Variants in TRPS1 observed in about 807,000 individuals in gnomAD.
The protein encoded by TRPS1 is zinc finger transcription factor Trps1.
TRPS1 carries 6 observed loss-of-function variants against 101.2 expected under a neutral mutation model. That is an observed-to-expected ratio of 0.06 (90% CI 0.03 to 0.12). The LOEUF (loss-of-function observed/expected upper bound fraction) is 0.12. Among genes scored for constraint, TRPS1 ranks in the 10% least tolerant of loss-of-function variants. TRPS1 has a pLI of 1.00. For missense variants in TRPS1, 1,363 were observed against 1,567.0 expected, an observed-to-expected ratio of 0.87 and a Z score of 2.20; for synonymous variants, 578 against 589.8, an observed-to-expected ratio of 0.98 and a Z score of 0.29.
At chr8:115,495,551 T>C (rs1293427684) in intron 5 of TRPS1, among the ~76,000 whole-genome samples, 3 of 151,346 alleles carry the variant, frequency 2.0e-5, no homozygotes. Context: ...TTCCTATTCC[T>C]ATTCCTAAAG....
At chr8:115,569,569 T>C (rs1006731553) in intron 5 of TRPS1, among the ~76,000 whole-genome samples, 5 of 152,168 alleles carry the variant, frequency 3.3e-5, no homozygotes, top group Admixed American at 1.3e-4. Flanking sequence ...GGTTTGTCTC[T>C]AGTTAAGTCA....
At chr8:115,541,210 C>T (rs1816444482) in intron 5 of TRPS1, among the ~76,000 whole-genome samples, 1 of 152,136 alleles carries the variant, frequency 6.6e-6, no homozygotes, top group Non-Finnish European at 1.5e-5. Flanking sequence ...ATGCTGTGGA[C>T]ATCAGATGGT....
intron 5 of TRPS1, among the ~76,000 whole-genome samples, chr8:115,552,417 C>A (rs1816726551): frequency 6.6e-6 from 1 of 152,096 alleles, no homozygotes; most frequent in Non-Finnish European, 1.5e-5. Context: ...GTTGTTTACT[C>A]CTACCACTTT....
chr8:115,454,231 T>G (rs1453603347), intron 5 of TRPS1, among the ~76,000 whole-genome samples: 1 of 152,198 alleles, frequency 6.6e-6, no homozygotes, highest in Admixed American at 6.5e-5. Context: ...TTCAATACCG[T>G]ATTTTGAGTA....
At chr8:115,440,626 G>A (rs937154345) in intron 5 of TRPS1, among the ~76,000 whole-genome samples, 3 of 152,120 alleles carry the variant, frequency 2.0e-5, no homozygotes, top group African/African-American at 7.2e-5. Context: ...GTGTTTCCTT[G>A]CCAAGGTTTC....
intron 3 of TRPS1, among the ~76,000 whole-genome samples, 180 bp downstream of exon 3, chr8:115,618,952 T>C (rs1038668855): frequency 6.6e-6 from 1 of 152,212 alleles, no homozygotes; most frequent in Non-Finnish European, 1.5e-5. Flanking sequence ...GGCTAAAAGT[T>C]GTCTTTAGAC....
chr8:115,483,301 G>A (rs1273076796), intron 5 of TRPS1, among the ~76,000 whole-genome samples: 1 of 152,024 alleles, frequency 6.6e-6, no homozygotes, highest in African/African-American at 2.4e-5. Flanking sequence ...GGGAGGTTGG[G>A]CAGGTGGATC....
At chr8:115,483,269 A>T (rs1207404771) in intron 5 of TRPS1, among the ~76,000 whole-genome samples, 2 of 152,098 alleles carry the variant, frequency 1.3e-5, no homozygotes, top group African/African-American at 4.8e-5. Context: ...ACGGTGTCTC[A>T]TGCTTATAAT....
chr8:115,561,716 T>C (rs914075667), intron 5 of TRPS1, among the ~76,000 whole-genome samples: 1 of 151,984 alleles, frequency 6.6e-6, no homozygotes, highest in South Asian at 2.1e-4. Flanking sequence ...GCTCCAGTCA[T>C]GCACAGCTAC....
chr8:115,413,787 G>A lies in TRPS1; in HGVS notation c.*236C>T. 1.9e-6 allele frequency: 1 copy of A among 523,204 alleles called. No homozygotes were observed. Among genetic ancestry groups the A allele is most frequent in the Non-Finnish European group, 3.4e-6 (1 of 296,730 alleles). The allele number at this position is 523,204 out of a possible 1,614,324, so 32.4% of individuals were successfully genotyped here. A position where few individuals can be genotyped will look rare whatever the true frequency, so the allele number is the denominator to read the frequency against. ...TAGCCAAGATGGTTTTGACTTAACAGGTTTTAAAAAGTGATTGTTTACCAT... is the reference window on the plus strand; with the variant it reads ...TAGCCAAGATGGTTTTGACTTAACAAGTTTTAAAAAGTGATTGTTTACCAT... On this transcript the variant is annotated 3_prime_UTR_variant, in exon 7 of 7. Transcript: ENST00000395715.
intron 3 of TRPS1, among the ~76,000 whole-genome samples, chr8:115,613,912 A>C (rs772200187): frequency 3.3e-5 from 5 of 152,250 alleles, no homozygotes; most frequent in Non-Finnish European, 7.3e-5. Flanking sequence ...TTGACTTTCA[A>C]TTAAAATTAA....
rs145853109 is a variant in TRPS1 at position 115,457,269 on chromosome 8, T to A, written c.2701-38817A>T. The stretch of plus-strand genomic sequence containing the variant: ...GGTATATACATACAATAGAATATTA[T>A]ACAGCCTTAAAAATGAAAAAATATC... On this transcript the variant is annotated intron_variant, in intron 5 of 6. Transcript: ENST00000395715. Among the ~76,000 whole-genome samples, 69 of 152,296 alleles carry A rather than the reference T, an allele frequency of 4.5e-4. 1 individual carries two copies. The East Asian group carries it at 0.012, about 26-fold the overall frequency.
At chr8:115,620,401 T>C (rs1018309816) in intron 2 of TRPS1, among the ~76,000 whole-genome samples, 6 of 152,122 alleles carry the variant, frequency 3.9e-5, no homozygotes, top group African/African-American at 1.4e-4. Flanking sequence ...TGATTGTAGC[T>C]AACAATATAT....
intron 5 of TRPS1, among the ~76,000 whole-genome samples, chr8:115,532,961 A>G (rs1816171082): frequency 6.6e-6 from 1 of 152,160 alleles, no homozygotes; most frequent in African/African-American, 2.4e-5. Context: ...ACAACAACCC[A>G]CAGGAAAGAA....
At chr8:115,649,708 C>A (rs963977410) in intron 1 of TRPS1, among the ~76,000 whole-genome samples, 1 of 152,242 alleles carries the variant, frequency 6.6e-6, no homozygotes, top group South Asian at 2.1e-4. Flanking sequence ...TATTACTACA[C>A]GCAGCTCATT....
intron 1 of TRPS1, among the ~76,000 whole-genome samples, chr8:115,661,060 C>A (rs1811781882): frequency 1.3e-5 from 2 of 152,012 alleles, no homozygotes; most frequent in African/African-American, 4.8e-5. Flanking sequence ...GATATACTCA[C>A]AAACAGTCCT....
intron 5 of TRPS1, among the ~76,000 whole-genome samples, chr8:115,465,557 A>C (rs1027493164): frequency 3.3e-5 from 5 of 152,106 alleles, no homozygotes; most frequent in Non-Finnish European, 7.4e-5. Context: ...TGACCTATAA[A>C]ATTCTCTTAA....
In TRPS1 at chr8:115,542,614, C is replaced by T. The variant is rs187524130; in HGVS notation, c.2700+44387G>A. ...GGGCTGTGGAAAAGGATTTAGGCGC[C>T]GGCCACTCCCAAGTTTGCACCCTGC... On this transcript the variant is annotated intron_variant, in intron 5 of 6. Coordinates refer to ENST00000395715, the MANE Select transcript of TRPS1 (RefSeq NM_014112.5). Among the ~76,000 whole-genome samples, 27 of 152,088 alleles carry T rather than the reference C, an allele frequency of 1.8e-4. 1 individual carries two copies. In the East Asian group the frequency reaches 2.9e-3, roughly 16 times the overall value.
chr8:115,455,622 AG>A (rs1813996530), intron 5 of TRPS1, among the ~76,000 whole-genome samples: 1 of 152,166 alleles, frequency 6.6e-6, no homozygotes, highest in Admixed American at 6.5e-5. Flanking sequence ...CTCATTTTCT[AG>A]ATTTTGAAAC....
Sources: gnomAD v4.1 joint callset for allele counts (sites outside exome capture counted in the v4.1 genomes callset) on GRCh38, gnomAD v4.1.1 for gene constraint, MANE v1.5 for transcripts, NCBI Gene and HGNC (gene_info 2026-07-23, HGNC 2026-07-21) for gene names.